The following ZDHHC11B variants were observed in gnomAD, a reference collection of about 807,000 sequenced individuals.
The protein encoded by ZDHHC11B is zDHHC palmitoyltransferase 11B (putative), also known as probable palmitoyltransferase ZDHHC11B.
ZDHHC11B carries 17 observed loss-of-function variants against 42.3 expected under a neutral mutation model. That is an observed-to-expected ratio of 0.40 (90% CI 0.27 to 0.60). ZDHHC11B has a LOEUF of 0.60. Ranked by LOEUF, ZDHHC11B falls within the 20% of genes least tolerant of loss-of-function variation. The probability of loss-of-function intolerance (pLI) is 0.41; values close to 1 mark genes in which losing one functional copy is unlikely to be tolerated. For missense variants in ZDHHC11B, 262 were observed against 463.2 expected, an observed-to-expected ratio of 0.57 and a Z score of 3.99; for synonymous variants, 123 against 193.5, an observed-to-expected ratio of 0.64 and a Z score of 3.02.
intron 12 of ZDHHC11B, among the ~76,000 whole-genome samples, chr5:726,952 T>G (rs1742644565): frequency 7.8e-6 from 1 of 127,398 alleles, no homozygotes. Flanking sequence ...TACTTCAAAG[T>G]AAAATTCAGA....
At chr5:756,308 C>A (rs1471423738) in intron 4 of ZDHHC11B, among the ~76,000 whole-genome samples, 164 bp from the exon 5 acceptor site, 1 of 151,638 alleles carries the variant, frequency 6.6e-6, no homozygotes, top group Non-Finnish European at 1.5e-5. Flanking sequence ...GCTCACATGG[C>A]CCTGCTTGTC....
chr5:710,471 T>C lies in ZDHHC11B; in HGVS notation c.*1819A>G, dbSNP rs574171044. On this transcript the variant is annotated 3_prime_UTR_variant, in exon 14 of 14. Coordinates refer to ENST00000508859, the MANE Select transcript of ZDHHC11B (RefSeq NM_001351303.2). ...ACAGAGGATGCCTCTGGTTCTCTGGTATTGACTCTTTTTGTCTACTAAGAT... is the reference window on the plus strand; with the variant it reads ...ACAGAGGATGCCTCTGGTTCTCTGGCATTGACTCTTTTTGTCTACTAAGAT... 5.0e-4 allele frequency: 77 copies of C among 154,996 alleles called. 3 individuals are homozygous for C. The South Asian group carries it at 0.015, about 31-fold the overall frequency. The allele number at this position is 154,996 out of a possible 1,614,324, so 9.6% of individuals were successfully genotyped here. A position where few individuals can be genotyped will look rare whatever the true frequency, so the allele number is the denominator to read the frequency against.
At chr5:719,191 G>A (rs1382065280) in intron 12 of ZDHHC11B, among the ~76,000 whole-genome samples, 3 of 151,710 alleles carry the variant, frequency 2.0e-5, no homozygotes, top group Non-Finnish European at 4.4e-5. Context: ...CAGTCCCAGA[G>A]GAGGAGAAGC....
chr5:752,840 G>A (rs1297437284), intron 6 of ZDHHC11B, among the ~76,000 whole-genome samples: 1 of 114,942 alleles, frequency 8.7e-6, no homozygotes, highest in Non-Finnish European at 2.0e-5. Flanking sequence ...GCCCACTTGT[G>A]GGGAGTAAAG....
chr5:722,195 A>G (rs4957087), intron 12 of ZDHHC11B, among the ~76,000 whole-genome samples: 19,387 of 150,628 alleles, frequency 0.13, 1,634 homozygotes, highest in Non-Finnish European at 0.19. Flanking sequence ...CTTATACAAT[A>G]TGTATAAACA....
In ZDHHC11B at chr5:716,310, G is replaced by A. The variant is rs574699649; in HGVS notation, c.*7+491C>T. 2.5e-3 allele frequency among the ~76,000 whole-genome samples: 376 copies of A among 151,384 alleles called. 10 individuals are homozygous for A. Among genetic ancestry groups the A allele is most frequent in the African/African-American group, 8.6e-3 (352 of 41,162 alleles). On this transcript the variant is annotated intron_variant, in intron 13 of 13. Coordinates refer to ENST00000508859, the MANE Select transcript of ZDHHC11B (RefSeq NM_001351303.2). Reference sequence around the variant, plus strand: ...GCAAATTCCTTTAGCCTTCTAGTGAGTAAACTTTCCCCCTGATTCTGAAAG... The same window carrying A: ...GCAAATTCCTTTAGCCTTCTAGTGAATAAACTTTCCCCCTGATTCTGAAAG...
At chr5:749,777 C>T (rs1300908151) in intron 7 of ZDHHC11B, among the ~76,000 whole-genome samples, 1 of 130,648 alleles carries the variant, frequency 7.7e-6, no homozygotes, top group Non-Finnish European at 1.7e-5. Flanking sequence ...CCTGGCATCC[C>T]CCACAGGGAG....
intron 10 of ZDHHC11B, among the ~76,000 whole-genome samples, chr5:736,008 C>T (rs1743474397): frequency 6.7e-6 from 1 of 149,794 alleles, no homozygotes; most frequent in Non-Finnish European, 1.5e-5. Context: ...TAAGCACCAT[C>T]TAAAAAATAC....
intron 12 of ZDHHC11B, among the ~76,000 whole-genome samples, chr5:728,794 G>A (rs1178183838): frequency 1.3e-5 from 2 of 151,958 alleles, no homozygotes; most frequent in Admixed American, 6.6e-5. Context: ...GGCTGAGGCA[G>A]GCAAATAGCT....
chr5:732,670 C>T, intron 11 of ZDHHC11B: 2 of 450,134 alleles, frequency 4.4e-6, no homozygotes, highest in Admixed American at 4.8e-5. Flanking sequence ...CGGCCCTGCC[C>T]CCACAGGGAA....
At position 764,831 on chromosome 5, in the gene ZDHHC11B, G is replaced by A. The variant is rs1057075979; in HGVS notation, c.222+1867C>T. On this transcript the variant is annotated intron_variant, in intron 4 of 13. Transcript: ENST00000508859. ...AGCCAGCTGGGCTCCTGAGTCTAGT[G>A]GGGACTTGGAGAACCTTTATGTCTA... 1.4e-4 allele frequency among the ~76,000 whole-genome samples: 21 copies of A among 151,872 alleles called. 1 individual carries two copies. Among genetic ancestry groups the A allele is most frequent in the Non-Finnish European group, 3.1e-4 (21 of 67,928 alleles).
At chr5:754,222 T>A in intron 6 of ZDHHC11B, among the ~76,000 whole-genome samples, 1 of 119,846 alleles carries the variant, frequency 8.3e-6, no homozygotes, top group East Asian at 3.7e-4. Flanking sequence ...GGGAAACACG[T>A]CTCATCTATG....
At chr5:784,645 G>A (rs1737124356) in intron 1 of ZDHHC11B, among the ~76,000 whole-genome samples, 23 bp downstream of exon 1, 1 of 151,142 alleles carries the variant, frequency 6.6e-6, no homozygotes, top group Non-Finnish European at 1.5e-5. Context: ...GCGCCCGCAG[G>A]ACCGAGCCCC....
intron 1 of ZDHHC11B, among the ~76,000 whole-genome samples, chr5:775,452 C>G (rs11134246): frequency 6.6e-6 from 1 of 151,140 alleles, no homozygotes; most frequent in Non-Finnish European, 1.5e-5. Flanking sequence ...TGGCAGCCAA[C>G]TGGATTCCAC....
At chr5:769,501 T>C (rs1397503262) in intron 1 of ZDHHC11B, among the ~76,000 whole-genome samples, 2 of 151,760 alleles carry the variant, frequency 1.3e-5, no homozygotes, top group Admixed American at 1.3e-4. Context: ...AAAACCACGC[T>C]GGCATGGTGG....
chr5:760,195 G>T (rs1258017953), intron 4 of ZDHHC11B, among the ~76,000 whole-genome samples: 3 of 151,772 alleles, frequency 2.0e-5, no homozygotes, highest in Non-Finnish European at 4.4e-5. Context: ...TAAGGAAACA[G>T]CCAGGTGTGG....
chr5:771,867 G>A (rs1221122108), intron 1 of ZDHHC11B, among the ~76,000 whole-genome samples: 1 of 146,372 alleles, frequency 6.8e-6, no homozygotes, highest in African/African-American at 2.5e-5. Context: ...ACCTCAGAGA[G>A]TCATCTGAGA....
intron 7 of ZDHHC11B, among the ~76,000 whole-genome samples, chr5:750,901 T>C (rs1745534407): frequency 8.2e-6 from 1 of 122,200 alleles, no homozygotes; most frequent in African/African-American, 2.6e-5. Flanking sequence ...TGGCAGCATC[T>C]ACAGAGCAGC....
intron 1 of ZDHHC11B, among the ~76,000 whole-genome samples, chr5:776,972 C>G (rs1468052551): frequency 1.3e-5 from 2 of 151,918 alleles, no homozygotes; most frequent in African/African-American, 4.8e-5. Flanking sequence ...AGCTCCCAAT[C>G]AGAACAAAGC....
Sources: allele counts gnomAD v4.1 joint callset (sites outside exome capture counted in the v4.1 genomes callset), GRCh38; gene constraint gnomAD v4.1.1; transcripts MANE v1.5; gene names NCBI Gene and HGNC (gene_info 2026-07-23, HGNC 2026-07-21).